Variants in LRRTM4 observed in about 807,000 individuals in gnomAD.
The protein encoded by LRRTM4 is leucine rich repeat transmembrane neuronal 4, also known as leucine-rich repeat transmembrane neuronal protein 4.
In LRRTM4, 25 loss-of-function variants were observed where a neutral mutation model predicts 47.6. The observed-to-expected ratio is 0.53, with a 90% CI of 0.38 to 0.73. LRRTM4 has a LOEUF of 0.73. LRRTM4 is among the 30% of genes least tolerant of loss of function. LRRTM4 has a pLI of 0.00. For missense variants in LRRTM4, 638 were observed against 713.4 expected (o/e 0.89, Z 1.20); for synonymous variants, 311 against 269.5 (o/e 1.15, Z -1.51).
chr2:77,179,866 A>G (rs1250194281), intron 3 of LRRTM4, among the ~76,000 whole-genome samples: 1 of 152,192 alleles, frequency 6.6e-6, no homozygotes, highest in Non-Finnish European at 1.5e-5. Context: ...GACCTTTAGA[A>G]AAACAAAAGT....
At chr2:76,864,851 C>T (rs920112347) in intron 3 of LRRTM4, among the ~76,000 whole-genome samples, 6 of 148,890 alleles carry the variant, frequency 4.0e-5, no homozygotes, top group African/African-American at 1.2e-4. Flanking sequence ...CTCAGCCTCT[C>T]GAGTAGCTGG....
intron 3 of LRRTM4, among the ~76,000 whole-genome samples, chr2:77,345,638 A>C (rs1319673579): frequency 6.6e-6 from 1 of 152,002 alleles, no homozygotes; most frequent in Non-Finnish European, 1.5e-5. Flanking sequence ...AAACAACAAC[A>C]ATCACCTCCT....
At chr2:77,429,229 A>T (rs1013595083) in intron 3 of LRRTM4, among the ~76,000 whole-genome samples, 1 of 152,170 alleles carries the variant, frequency 6.6e-6, no homozygotes, top group African/African-American at 2.4e-5. Context: ...ACAACTCCAG[A>T]TACGGAATAA....
rs192597958 is a variant in LRRTM4 at position 76,879,875 on chromosome 2, T to A, written c.1552-130959A>T. ...TGATTTCAATCCTAATGGGTGACTT[T>A]GAGGGGTTCATCATTTCAGTGGAGG... is the stretch of plus-strand genomic sequence containing the variant. On this transcript the variant is annotated intron_variant, in intron 3 of 3. Coordinates refer to ENST00000409884, the MANE Select transcript of LRRTM4 (RefSeq NM_001134745.3). Among the ~76,000 whole-genome samples, 281 of 152,312 alleles carry A rather than the reference T, an allele frequency of 1.8e-3. 2 individuals are homozygous for A. The highest frequency in any genetic ancestry group is 6.3e-3 in the African/African-American group (262 of 41,566).
chr2:77,091,353 A>G (rs1670632392), intron 3 of LRRTM4, among the ~76,000 whole-genome samples: 1 of 141,170 alleles, frequency 7.1e-6, no homozygotes, highest in South Asian at 2.2e-4. Flanking sequence ...ACCCCACTCA[A>G]CGCCAATATC....
chr2:77,331,097 G>C (rs1404363946), intron 3 of LRRTM4, among the ~76,000 whole-genome samples: 2 of 152,086 alleles, frequency 1.3e-5, no homozygotes, highest in African/African-American at 4.8e-5. Flanking sequence ...TGGATCTAGA[G>C]ATGCAAAGAA....
intron 3 of LRRTM4, among the ~76,000 whole-genome samples, chr2:77,089,213 A>G (rs912216890): frequency 4.2e-5 from 6 of 143,062 alleles, no homozygotes. Flanking sequence ...TTCCAGGGAC[A>G]GGGCAAGTAA....
chr2:77,379,846 C>A (rs1291771568), intron 3 of LRRTM4, among the ~76,000 whole-genome samples: 2 of 151,974 alleles, frequency 1.3e-5, no homozygotes, highest in African/African-American at 4.8e-5. Context: ...TTTCAGAAAT[C>A]TGCTCTCAGT....
chr2:77,059,961 T>G (rs1679732825), intron 3 of LRRTM4, among the ~76,000 whole-genome samples: 1 of 152,224 alleles, frequency 6.6e-6, no homozygotes, highest in Admixed American at 6.5e-5. Flanking sequence ...CTTTGTTTTT[T>G]GTATCTGCTT....
At chr2:76,996,624 G>T (rs1038850238) in intron 3 of LRRTM4, among the ~76,000 whole-genome samples, 1 of 152,014 alleles carries the variant, frequency 6.6e-6, no homozygotes, top group Admixed American at 6.6e-5. Context: ...ATATTCTCTT[G>T]CCTAGAAATA....
chr2:76,956,955 A>G (rs1298960267), intron 3 of LRRTM4, among the ~76,000 whole-genome samples: 1 of 151,692 alleles, frequency 6.6e-6, no homozygotes, highest in East Asian at 1.9e-4. Flanking sequence ...AACTTCCCAA[A>G]AAAGAAAAGT....
chr2:77,145,004 T>C (rs1672217131), intron 3 of LRRTM4, among the ~76,000 whole-genome samples: 1 of 152,080 alleles, frequency 6.6e-6, no homozygotes, highest in African/African-American at 2.4e-5. Flanking sequence ...ATGCAAGTCA[T>C]GGGCAGCACA....
chr2:76,867,693 C>T (rs1191054389), intron 3 of LRRTM4, among the ~76,000 whole-genome samples: 2 of 152,060 alleles, frequency 1.3e-5, no homozygotes, highest in Admixed American at 1.3e-4. Context: ...TTGATGATGC[C>T]ATCTTAATAT....
intron 3 of LRRTM4, among the ~76,000 whole-genome samples, chr2:77,011,451 G>A (rs370274105): frequency 6.6e-6 from 1 of 151,706 alleles, no homozygotes; most frequent in South Asian, 2.1e-4. Context: ...AGAAAACCAT[G>A]CAAGATTTTA....
chr2:77,487,650 C>T (rs980800981), intron 3 of LRRTM4, among the ~76,000 whole-genome samples: 1 of 152,062 alleles, frequency 6.6e-6, no homozygotes, highest in African/African-American at 2.4e-5. Flanking sequence ...TGAAGCCCCA[C>T]CTTCAGGCCA....
chr2:77,167,809 G>A (rs1313099406), intron 3 of LRRTM4, among the ~76,000 whole-genome samples: 1 of 152,070 alleles, frequency 6.6e-6, no homozygotes, highest in African/African-American at 2.4e-5. Context: ...CATGGGATGG[G>A]GGAAGGTGGG....
chr2:77,078,297 A>G (rs763157235), intron 3 of LRRTM4, among the ~76,000 whole-genome samples: 6 of 152,064 alleles, frequency 3.9e-5, no homozygotes, highest in Non-Finnish European at 7.4e-5. Flanking sequence ...TTTTCTTTTC[A>G]TACCTAGTTT....
At chr2:77,443,994 A>G (rs1382218791) in intron 3 of LRRTM4, among the ~76,000 whole-genome samples, 1 of 152,148 alleles carries the variant, frequency 6.6e-6, no homozygotes, top group East Asian at 1.9e-4. Flanking sequence ...ATCACATCTT[A>G]GTCACACCAT....
At chr2:76,818,061 G>A (rs1247727087) in intron 3 of LRRTM4, among the ~76,000 whole-genome samples, 1 of 151,898 alleles carries the variant, frequency 6.6e-6, no homozygotes, top group African/African-American at 2.4e-5. Flanking sequence ...TAGAAGCATG[G>A]CAGTTGTAGT....
Sources: allele counts gnomAD v4.1 joint callset (sites outside exome capture counted in the v4.1 genomes callset), GRCh38; gene constraint gnomAD v4.1.1; transcripts MANE v1.5; gene names NCBI Gene and HGNC (gene_info 2026-07-23, HGNC 2026-07-21).